Variants in DLGAP1 observed in about 807,000 individuals in gnomAD.
The protein encoded by DLGAP1 is DLG associated protein 1, also known as disks large-associated protein 1.
Under a neutral mutation model 90.8 loss-of-function variants are expected in DLGAP1, and 11 were observed. That is an observed-to-expected ratio of 0.12 (90% CI 0.08 to 0.20). The LOEUF (loss-of-function observed/expected upper bound fraction) is 0.20. Among genes scored for constraint, DLGAP1 ranks in the 10% least tolerant of loss-of-function variants. The pLI is 1.00. For synonymous variants in DLGAP1, 558 were observed against 540.7 expected (o/e 1.03, Z -0.44); for missense variants, 1,050 against 1,333.8 (o/e 0.79, Z 3.31).
intron 7 of DLGAP1, chr18:3,721,910 T>C (rs537693899): frequency 1.3e-5 from 2 of 152,320 alleles, no homozygotes; most frequent in Admixed American, 6.5e-5. Flanking sequence ...GAGTATTCAT[T>C]ACGGTTACAT....
At chr18:3,849,241 C>A (rs966602204) in intron 4 of DLGAP1, among the ~76,000 whole-genome samples, 28 of 152,208 alleles carry the variant, frequency 1.8e-4, no homozygotes, top group African/African-American at 6.0e-4. Context: ...GCCAAGTGAT[C>A]ATTTGGGATC....
At chr18:4,400,276 C>G (rs9958739) in intron 1 of DLGAP1, among the ~76,000 whole-genome samples, 14,349 of 152,258 alleles carry the variant, frequency 0.094, 1,216 homozygotes, top group African/African-American at 0.23. Context: ...GGTGGCTGAT[C>G]AGGTTGATTT....
At chr18:4,124,951 G>A (rs770358087) in intron 2 of DLGAP1, among the ~76,000 whole-genome samples, 14 of 152,160 alleles carry the variant, frequency 9.2e-5, no homozygotes, top group Non-Finnish European at 1.8e-4. Context: ...TAGGTACCCC[G>A]GAATCAGGGC....
intron 3 of DLGAP1, among the ~76,000 whole-genome samples, chr18:3,941,416 C>T (rs909007369): frequency 7.2e-5 from 11 of 151,990 alleles, no homozygotes; most frequent in African/African-American, 1.9e-4. Flanking sequence ...GAGATGTTCA[C>T]GAGAATGTTG....
intron 6 of DLGAP1, among the ~76,000 whole-genome samples, chr18:3,741,025 AC>A (rs2062913497): frequency 2.2e-5 from 2 of 90,102 alleles, no homozygotes; most frequent in Admixed American, 2.4e-4. Flanking sequence ...CATCACCACC[AC>A]CACCACCACC....
chr18:4,432,589 A>AGTGTGTGTGTGT (rs545618675), intron 1 of DLGAP1, among the ~76,000 whole-genome samples: 40 of 111,388 alleles, frequency 3.6e-4, no homozygotes, highest in African/African-American at 4.3e-4. Context: ...CACCTCACAT[A>AGTGTGTGTGTGT]GTGTGTGTGT....
intron 1 of DLGAP1, among the ~76,000 whole-genome samples, chr18:4,208,172 T>C (rs2077760384): frequency 6.6e-6 from 1 of 152,228 alleles, no homozygotes; most frequent in South Asian, 2.1e-4. Context: ...TCTCTGCCAT[T>C]AAGATCTCCT....
chr18:4,320,717 T>TACAC (rs71160954), intron 1 of DLGAP1, among the ~76,000 whole-genome samples: 3 of 146,820 alleles, frequency 2.0e-5, no homozygotes, highest in Non-Finnish European at 4.5e-5. Context: ...ATTACAATTT[T>TACAC]ACACACACAC....
intron 4 of DLGAP1, among the ~76,000 whole-genome samples, chr18:3,866,724 A>T (rs2070407144): frequency 6.6e-6 from 1 of 152,220 alleles, no homozygotes; most frequent in Non-Finnish European, 1.5e-5. Context: ...TAGAAACTTT[A>T]GCAATAGACA....
intron 1 of DLGAP1, among the ~76,000 whole-genome samples, chr18:4,215,265 A>G (rs1419943905): frequency 1.3e-5 from 2 of 152,222 alleles, no homozygotes; most frequent in Non-Finnish European, 2.9e-5. Context: ...ACTCAGAGGT[A>G]TCACCACGAA....
At chr18:4,167,743 C>T (rs754468585) in intron 1 of DLGAP1, among the ~76,000 whole-genome samples, 9 of 152,226 alleles carry the variant, frequency 5.9e-5, no homozygotes, top group Admixed American at 1.3e-4. Context: ...GTGATTTCAG[C>T]GATGTTGCTG....
At chr18:4,369,097 A>G (rs1178335735) in intron 1 of DLGAP1, among the ~76,000 whole-genome samples, 2 of 152,180 alleles carry the variant, frequency 1.3e-5, no homozygotes, top group Non-Finnish European at 2.9e-5. Flanking sequence ...ATGGATCTCT[A>G]AGGTCACAAA....
chr18:3,596,211 G>A (rs1439639264), intron 7 of DLGAP1, among the ~76,000 whole-genome samples: 1 of 152,004 alleles, frequency 6.6e-6, no homozygotes, highest in Non-Finnish European at 1.5e-5. Context: ...CCAGGCTGGG[G>A]TGCAGTGGTG....
At chr18:4,341,590 G>T (rs571971785) in intron 1 of DLGAP1, among the ~76,000 whole-genome samples, 1 of 152,256 alleles carries the variant, frequency 6.6e-6, no homozygotes. Context: ...AGTATACTCA[G>T]ACATTTGGGG....
intron 2 of DLGAP1, among the ~76,000 whole-genome samples, chr18:4,095,643 G>A (rs1598394616): frequency 6.6e-6 from 1 of 151,930 alleles, no homozygotes; most frequent in African/African-American, 2.4e-5. Flanking sequence ...AGACAGATAG[G>A]GCTGGTGGCC....
At chr18:3,645,260 T>G (rs1400431545) in intron 7 of DLGAP1, among the ~76,000 whole-genome samples, 2 of 152,110 alleles carry the variant, frequency 1.3e-5, no homozygotes, top group African/African-American at 4.8e-5. Flanking sequence ...ACCTGGCTAA[T>G]TTTTGTATTT....
chr18:3,975,322 T>C (rs1280470612), intron 3 of DLGAP1, among the ~76,000 whole-genome samples: 2 of 152,182 alleles, frequency 1.3e-5, no homozygotes, highest in Non-Finnish European at 2.9e-5. Flanking sequence ...AAACAGGATA[T>C]GCAAGTGGCC....
intron 2 of DLGAP1, among the ~76,000 whole-genome samples, chr18:4,104,075 A>G (rs2075821966): frequency 6.6e-6 from 1 of 152,250 alleles, no homozygotes; most frequent in Non-Finnish European, 1.5e-5. Context: ...ATTCCAGTCT[A>G]ATTTCTATTT....
chr18:4,313,620 T>C (rs1248979992), intron 1 of DLGAP1, among the ~76,000 whole-genome samples: 2 of 152,200 alleles, frequency 1.3e-5, no homozygotes, highest in Non-Finnish European at 2.9e-5. Context: ...GTTTCTGCCC[T>C]GCAAATAGGC....
Sources: allele counts gnomAD v4.1 joint callset (sites outside exome capture counted in the v4.1 genomes callset), GRCh38; gene constraint gnomAD v4.1.1; transcripts MANE v1.5; gene names NCBI Gene and HGNC (gene_info 2026-07-23, HGNC 2026-07-21).